Variants in C8orf58 observed in about 807,000 individuals in gnomAD.
C8orf58 encodes chromosome 8 open reading frame 58.
C8orf58 carries 31 observed loss-of-function variants against 36.8 expected under a neutral mutation model. The observed-to-expected ratio is 0.84, with a 90% CI of 0.63 to 1.14. The LOEUF (loss-of-function observed/expected upper bound fraction) is 1.14, where lower values mean the gene tolerates loss of function less well. Ranked by LOEUF, C8orf58 falls within the 50% of genes most tolerant of loss-of-function variation. The pLI is 0.00. For missense variants in C8orf58, 538 were observed against 480.8 expected (o/e 1.12, Z -1.11); for synonymous variants, 230 against 200.2 (o/e 1.15, Z -1.26).
rs536007094 is a variant in C8orf58 at position 22,603,108 on chromosome 8, A to T, written c.987-87A>T. ...CTGCGCCCACACCCAGCTACCCACCAGCAGATAAACCACGTTCTCTCAACT... is the reference window on the plus strand; with the variant it reads ...CTGCGCCCACACCCAGCTACCCACCTGCAGATAAACCACGTTCTCTCAACT... On this transcript the variant is annotated intron_variant, in intron 6 of 6. Coordinates refer to ENST00000289989, the MANE Select transcript of C8orf58 (RefSeq NM_001013842.3). The T allele has an allele frequency of 1.2e-5, 12 of 1,006,472 alleles. No individual in the cohort carries two copies. In the East Asian group the frequency reaches 1.2e-4, roughly 10 times the overall value. The allele number at this position is 1,006,472 out of a possible 1,614,324, so 62.3% of individuals were successfully genotyped here. A position where few individuals can be genotyped will look rare whatever the true frequency, so the allele number is the denominator to read the frequency against.
At position 22,601,064 on chromosome 8, in the gene C8orf58, G is replaced by A. The variant is rs765705925; in HGVS notation, c.223G>A (p.Val75Ile). The A allele has an allele frequency of 1.9e-6, 3 of 1,612,822 alleles. No individual in the cohort carries two copies. Among genetic ancestry groups the A allele is most frequent in the South Asian group, 1.1e-5 (1 of 91,074 alleles). Residue 75 changes from valine (V) to isoleucine (I), a missense_variant, in exon 2 of 7, where the codon GTT becomes ATT. Physicochemically the swap from Val to Ile is conservative, Grantham distance 29 (BLOSUM62 3). Transcript: ENST00000289989. ...CCGGGACTCAGGAGTGGAGATGGCA[G>A]TTGGGGACAGCCCCCTGGCCGCCTT... Reference protein sequence around the residue: ...ASRDSGVEMAVGDSPLAALPG... With the variant: ...ASRDSGVEMAIGDSPLAALPG...
chr8:22,601,355 G>A lies in C8orf58; in HGVS notation c.514G>A (p.Ala172Thr). Residue 172 changes from alanine to threonine, a missense_variant and splice_region_variant, in exon 2 of 7, where the codon GCG becomes ACG. By Grantham distance (58) the Ala-to-Thr change is moderately conservative (BLOSUM62 0). Transcript: ENST00000289989. Reference protein sequence around the residue: ...TDLEAGLEEEAVGGLGPGAWA... With the variant: ...TDLEAGLEEETVGGLGPGAWA... ...CCTAGAGGCAGGCCTGGAAGAAGAGGCGGTGAGTGCTCACTCTCAGGCTGG... is the reference window on the plus strand; with the variant it reads ...CCTAGAGGCAGGCCTGGAAGAAGAGACGGTGAGTGCTCACTCTCAGGCTGG... 1 of 1,565,756 alleles carries A rather than the reference G, an allele frequency of 6.4e-7. No homozygotes were observed. The highest frequency in any genetic ancestry group is 8.7e-7 in the Non-Finnish European group (1 of 1,150,032).
chr8:22,601,500 C>T, intron 2 of C8orf58, 143 bp downstream of exon 2: 4 of 921,630 alleles, frequency 4.3e-6, no homozygotes, highest in Non-Finnish European at 3.2e-6. Flanking sequence ...ACCCCAGTTC[C>T]ATTTGTGCAC....
rs1247761107 is a variant in C8orf58 at position 22,603,643 on chromosome 8, T to C, written c.*337T>C. 3 of 400,742 alleles carry C rather than the reference T, an allele frequency of 7.5e-6. No homozygotes were observed. The highest frequency in any genetic ancestry group is 1.4e-5 in the Non-Finnish European group (3 of 209,954). 24.8% of individuals were successfully genotyped at this position (400,742 alleles called of 1,614,324 possible). On this transcript the variant is annotated 3_prime_UTR_variant, in exon 7 of 7. Transcript: ENST00000289989. ...CCAGCATGTTGCAGATGTGTATTTA[T>C]GCGCAATGGTATGCATATCTCTGTG...
rs1383905283 is a variant in C8orf58, at chr8:22,603,645, C to T, written c.*339C>T. 10 of 396,420 alleles carry T rather than the reference C, an allele frequency of 2.5e-5. No homozygotes were observed. Among genetic ancestry groups the T allele is most frequent in the South Asian group, 1.3e-4 (6 of 47,054 alleles). 24.6% of individuals were successfully genotyped at this position (396,420 alleles called of 1,614,324 possible). A position where few individuals can be genotyped will look rare whatever the true frequency, so the allele number is the denominator to read the frequency against. ...AGCATGTTGCAGATGTGTATTTATGCGCAATGGTATGCATATCTCTGTGTG... is the reference window on the plus strand; with the variant it reads ...AGCATGTTGCAGATGTGTATTTATGTGCAATGGTATGCATATCTCTGTGTG... On this transcript the variant is annotated 3_prime_UTR_variant, in exon 7 of 7. Coordinates refer to ENST00000289989, the MANE Select transcript of C8orf58 (RefSeq NM_001013842.3).
At chr8:22,600,855 C>A in intron 1 of C8orf58, 27 bp from the exon 2 acceptor site, 5 of 1,558,682 alleles carry the variant, frequency 3.2e-6, no homozygotes, top group Non-Finnish European at 4.3e-6. Context: ...GGTGGCCTGC[C>A]CAGCCTGACG....
At chr8:22,600,808 A>AGT (rs1253666493) in intron 1 of C8orf58, 74 bp from the exon 2 acceptor site, 2 of 1,260,366 alleles carry the variant, frequency 1.6e-6, no homozygotes, top group Admixed American at 4.2e-5. Flanking sequence ...TCCCTGGGGC[A>AGT]GTGCTGCCAG....
intron 1 of C8orf58, chr8:22,599,967 G>A (rs762215920): frequency 5.5e-6 from 2 of 364,728 alleles, no homozygotes; most frequent in Non-Finnish European, 9.8e-6. Context: ...GGGCCCAGGC[G>A]TTAAACCAGC....
At chr8:22,599,943 G>C (rs1160460523) in intron 1 of C8orf58, 183 bp downstream of exon 1, 2 of 370,298 alleles carry the variant, frequency 5.4e-6, no homozygotes, top group Non-Finnish European at 9.6e-6. Flanking sequence ...CGCCATGCAG[G>C]CTGGAACCCC....
intron 1 of C8orf58, chr8:22,600,017 G>A (rs916933054): frequency 6.0e-6 from 2 of 335,398 alleles, no homozygotes; most frequent in Admixed American, 4.9e-5. Flanking sequence ...CGCTTCCCTC[G>A]CCTTCCCGCT....
Position 22,599,712 on chromosome 8 carries a change from G to A in C8orf58, c.-9G>A, listed in dbSNP as rs1303906059. On this transcript the variant is annotated 5_prime_UTR_variant, in exon 1 of 7. Coordinates refer to ENST00000289989, the MANE Select transcript of C8orf58 (RefSeq NM_001013842.3). ...CTGCATTGGCCGGGGCCGGGGCCGG[G>A]AGCGGGCCATGATGGGCCGGCGGCG... is the stretch of plus-strand genomic sequence containing the variant. 8.2e-7 allele frequency: 1 copy of A among 1,214,592 alleles called. No homozygotes were observed. The highest frequency in any genetic ancestry group is 1.0e-6 in the Non-Finnish European group (1 of 976,640). The allele number at this position is 1,214,592 out of a possible 1,614,324, so 75.2% of individuals were successfully genotyped here.
At position 22,603,210 on chromosome 8, in the gene C8orf58, C is replaced by G. The variant is rs1267102359; in HGVS notation, c.1002C>G (p.Asp334Glu). 6.2e-7 allele frequency: 1 copy of G among 1,612,726 alleles called. No individual in the cohort carries two copies. The highest frequency in any genetic ancestry group is 1.3e-5 in the African/African-American group (1 of 75,018). Residue 334 changes from aspartate to glutamate, a missense_variant, in exon 7 of 7, where the codon GAC becomes GAG. Coordinates refer to ENST00000289989, the MANE Select transcript of C8orf58 (RefSeq NM_001013842.3). ...CATTCCACAGGATCGAGTCCAGGGA[C>G]CTCCCTGAAAGGCCTCAGTGCCGCC... ...DGSDPRIESRDLPERPQCRPH... is the reference protein window; with the variant it reads ...DGSDPRIESRELPERPQCRPH...
chr8:22,601,010 A>T lies in C8orf58; in HGVS notation c.169A>T (p.Arg57Trp). 1 of 1,612,804 alleles carries T rather than the reference A, an allele frequency of 6.2e-7. No homozygotes were observed. Among genetic ancestry groups the T allele is most frequent in the South Asian group, 1.1e-5 (1 of 91,078 alleles). The change falls in exon 2 of 7, where the codon AGG becomes TGG. Residue 57 changes from arginine to tryptophan, a missense_variant. Arg to Trp is a moderately radical substitution (Grantham distance 101, BLOSUM62 -3). Transcript: ENST00000289989. Reference protein sequence around the residue: ...ERGDKFRGVGREALFLKLASR... With the variant: ...ERGDKFRGVGWEALFLKLASR... ...AGGTGACAAGTTCAGAGGTGTCGGC[A>T]GGGAGGCACTCTTTCTCAAACTGGC... is the stretch of plus-strand genomic sequence containing the variant.
intron 1 of C8orf58, 166 bp downstream of exon 1, chr8:22,599,926 CAG>C (rs1004249350): frequency 5.3e-6 from 2 of 374,672 alleles, no homozygotes; most frequent in Admixed American, 4.6e-5. Flanking sequence ...GGGCGGTCAT[CAG>C]GGGACGCCAT....
At chr8:22,601,460 T>G in intron 2 of C8orf58, 103 bp downstream of exon 2, 1 of 1,022,988 alleles carries the variant, frequency 9.8e-7, no homozygotes, top group Non-Finnish European at 1.4e-6. Context: ...CTGCCCCTAA[T>G]TGATGGGTTG....
intron 1 of C8orf58, among the ~76,000 whole-genome samples, chr8:22,600,620 T>C (rs1185241950): frequency 3.3e-5 from 5 of 152,220 alleles, no homozygotes; most frequent in African/African-American, 1.2e-4. Context: ...GTCTAAGGGA[T>C]TGATGGATGT....
chr8:22,603,486 C>T lies in C8orf58; in HGVS notation c.*180C>T, dbSNP rs1158496574. Reference sequence around the variant, plus strand: ...GCAGTCTGGTCAGGAACCTTGGTTTCTTGAGAGGCCCCCAAGATGCCGCAG... The same window carrying T: ...GCAGTCTGGTCAGGAACCTTGGTTTTTTGAGAGGCCCCCAAGATGCCGCAG... On this transcript the variant is annotated 3_prime_UTR_variant, in exon 7 of 7. Transcript: ENST00000289989. 7.6e-6 allele frequency: 5 copies of T among 654,920 alleles called. No individual in the cohort carries two copies. Among genetic ancestry groups the T allele is most frequent in the Non-Finnish European group, 1.4e-5 (5 of 358,950 alleles). 40.6% of individuals were successfully genotyped at this position (654,920 alleles called of 1,614,324 possible).
intron 5 of C8orf58, 74 bp from the exon 6 acceptor site, chr8:22,602,463 C>T (rs1394948403): frequency 5.0e-6 from 7 of 1,396,972 alleles, no homozygotes; most frequent in Non-Finnish European, 7.0e-6. Context: ...GCTGTGGCGA[C>T]AGCTGTCTCT....
rs1346801210 is a variant in C8orf58, at chr8:22,602,622, C to T, written c.965C>T (p.Pro322Leu). ...RSHHHPEPPA[P>L]PDGSDPRIES... ...CACCACCACCCTGAGCCCCCTGCCC[C>T]TCCTGATGGCTCTGACCCCAGGTGA... Residue 322 changes from proline (P) to leucine (L), a missense_variant, in exon 6 of 7, where the codon CCT becomes CTT. By Grantham distance (98) the Pro-to-Leu change is moderately conservative. Coordinates refer to ENST00000289989, the MANE Select transcript of C8orf58 (RefSeq NM_001013842.3). The T allele has an allele frequency of 1.3e-6, 2 of 1,555,078 alleles. No individual in the cohort carries two copies. Among genetic ancestry groups the T allele is most frequent in the Admixed American group, 1.8e-5 (1 of 55,692 alleles).
Sources: gnomAD v4.1 joint callset for allele counts (sites outside exome capture counted in the v4.1 genomes callset) on GRCh38, gnomAD v4.1.1 for gene constraint, MANE v1.5 for transcripts, NCBI Gene and HGNC (gene_info 2026-07-23, HGNC 2026-07-21) for gene names.